COX7B2: variants seen among roughly 807,000 people sequenced by gnomAD.
COX7B2 encodes cytochrome c oxidase subunit 7B2, also known as cytochrome c oxidase subunit 7B2, mitochondrial.
For missense variants in COX7B2, 109 were observed against 95.9 expected (o/e 1.14, Z -0.57); for synonymous variants, 37 against 32.1 (o/e 1.15, Z -0.51).
At chr4:46,906,873 C>G (rs943306950) in intron 1 of COX7B2, among the ~76,000 whole-genome samples, 3 of 152,160 alleles carry the variant, frequency 2.0e-5, no homozygotes, top group African/African-American at 7.2e-5. Flanking sequence ...CTTGCTTGAG[C>G]CTTGTCTTGC....
intron 1 of COX7B2, among the ~76,000 whole-genome samples, chr4:46,889,151 TA>T (rs1417674282): frequency 6.6e-6 from 1 of 151,864 alleles, no homozygotes; most frequent in Non-Finnish European, 1.5e-5. Context: ...ATGATAAATT[TA>T]AAAAAATCTA....
intron 1 of COX7B2, among the ~76,000 whole-genome samples, chr4:46,888,634 G>A (rs1326375885): frequency 6.6e-6 from 1 of 151,930 alleles, no homozygotes; most frequent in Non-Finnish European, 1.5e-5. Context: ...TTTTACTAGA[G>A]ATGGGGTTTC....
At chr4:46,867,600 C>A (rs957819760) in intron 1 of COX7B2, among the ~76,000 whole-genome samples, 7 of 152,212 alleles carry the variant, frequency 4.6e-5, no homozygotes, top group African/African-American at 1.7e-4. Context: ...ACAGCCCATA[C>A]CCTGCTGCTC....
At chr4:46,814,102 A>T (rs1413898148) in intron 2 of COX7B2, among the ~76,000 whole-genome samples, 3 of 152,214 alleles carry the variant, frequency 2.0e-5, no homozygotes, top group Admixed American at 2.0e-4. Context: ...GGAAAATAGC[A>T]TGGAGGTTCT....
At chr4:46,839,621 A>G (rs145146909) in intron 2 of COX7B2, among the ~76,000 whole-genome samples, 3 of 152,200 alleles carry the variant, frequency 2.0e-5, no homozygotes, top group African/African-American at 4.8e-5. Flanking sequence ...GAAATTTTTC[A>G]TATTTTAGGG....
At chr4:46,789,147 A>C (rs988957968) in intron 2 of COX7B2, among the ~76,000 whole-genome samples, 5 of 152,182 alleles carry the variant, frequency 3.3e-5, no homozygotes, top group Non-Finnish European at 7.4e-5. Flanking sequence ...CTATGAATCC[A>C]ATCAACATTC....
At chr4:46,771,931 G>T (rs1716901431) in intron 2 of COX7B2, among the ~76,000 whole-genome samples, 1 of 152,112 alleles carries the variant, frequency 6.6e-6, no homozygotes, top group Admixed American at 6.6e-5. Context: ...TGCTCAAAAA[G>T]TTTCAAATTT....
intron 2 of COX7B2, among the ~76,000 whole-genome samples, chr4:46,788,363 GA>G (rs1278416025): frequency 2.6e-5 from 4 of 152,034 alleles, no homozygotes; most frequent in African/African-American, 4.8e-5. Context: ...ATTATCCAAG[GA>G]AAAGTTTTAG....
chr4:46,819,213 T>A (rs1330327397), intron 2 of COX7B2, among the ~76,000 whole-genome samples: 1 of 152,130 alleles, frequency 6.6e-6, no homozygotes, highest in Non-Finnish European at 1.5e-5. Context: ...GTAAATTTGA[T>A]CTGGAGGACT....
chr4:46,789,249 C>T (rs1004796981), intron 2 of COX7B2, among the ~76,000 whole-genome samples: 1 of 152,072 alleles, frequency 6.6e-6, no homozygotes, highest in Non-Finnish European at 1.5e-5. Flanking sequence ...ATTTAATTGT[C>T]TACCTGAATT....
intron 2 of COX7B2, among the ~76,000 whole-genome samples, chr4:46,817,006 C>T (rs1719590868): frequency 6.6e-6 from 1 of 152,082 alleles, no homozygotes; most frequent in Non-Finnish European, 1.5e-5. Context: ...TATCTTAGCT[C>T]AGTGCTTTCA....
chr4:46,842,647 C>A (rs1241601406), intron 2 of COX7B2, among the ~76,000 whole-genome samples: 1 of 151,470 alleles, frequency 6.6e-6, no homozygotes, highest in African/African-American at 2.4e-5. Context: ...TGAGAACATG[C>A]GGTGTTTGGT....
intron 1 of COX7B2, among the ~76,000 whole-genome samples, chr4:46,894,459 C>G (rs1290162609): frequency 3.3e-5 from 5 of 152,016 alleles, no homozygotes; most frequent in Non-Finnish European, 5.9e-5. Flanking sequence ...GAAGCTGGAC[C>G]CCTTCCTTGT....
At chr4:46,905,187 T>A (rs1240609045) in intron 1 of COX7B2, among the ~76,000 whole-genome samples, 1 of 152,040 alleles carries the variant, frequency 6.6e-6, no homozygotes, top group African/African-American at 2.4e-5. Context: ...ACTAAATAAA[T>A]AGAACCTGTA....
chr4:46,787,050 C>T (rs1411534393), intron 2 of COX7B2, among the ~76,000 whole-genome samples: 2 of 152,314 alleles, frequency 1.3e-5, no homozygotes, highest in East Asian at 3.9e-4. Context: ...ACTGCAAATT[C>T]TCCTTGTGTG....
chr4:46,886,874 TA>T (rs1489823761), intron 1 of COX7B2, among the ~76,000 whole-genome samples: 2 of 152,120 alleles, frequency 1.3e-5, no homozygotes, highest in Admixed American at 6.6e-5. Context: ...GAACACTTGA[TA>T]AAGGAAAGAG....
At chr4:46,891,207 A>C (rs2109871121) in intron 1 of COX7B2, among the ~76,000 whole-genome samples, 1 of 152,350 alleles carries the variant, frequency 6.6e-6, no homozygotes, top group African/African-American at 2.4e-5. Context: ...TGGCAGATCA[A>C]GAAATCAAGT....
intron 1 of COX7B2, among the ~76,000 whole-genome samples, chr4:46,898,024 T>C (rs1560443964): frequency 1.3e-5 from 2 of 152,294 alleles, no homozygotes; most frequent in East Asian, 3.9e-4. Context: ...TTTGGCCTTA[T>C]AGCACAAAGG....
chr4:46,894,213 C>A (rs1367231674), intron 1 of COX7B2, among the ~76,000 whole-genome samples: 1 of 151,906 alleles, frequency 6.6e-6, no homozygotes, highest in Non-Finnish European at 1.5e-5. Flanking sequence ...CAAAGTAATC[C>A]TACGTGAAAG....
Sources: gnomAD v4.1 joint callset for allele counts (sites outside exome capture counted in the v4.1 genomes callset) on GRCh38, gnomAD v4.1.1 for gene constraint, MANE v1.5 for transcripts, NCBI Gene and HGNC (gene_info 2026-07-23, HGNC 2026-07-21) for gene names.